The following PARD3B variants were observed in gnomAD, a reference collection of about 807,000 sequenced individuals.
PARD3B encodes the protein par-3 family cell polarity regulator beta, also known as partitioning defective 3 homolog B.
In PARD3B, 103 loss-of-function variants were observed where a neutral mutation model predicts 130.2. The observed-to-expected ratio is 0.79, with a 90% confidence interval of 0.67 to 0.93. The LOEUF is 0.93. PARD3B is among the 40% of genes least tolerant of loss of function. PARD3B has a pLI of 0.00. For missense variants in PARD3B, 1,609 were observed against 1,499.2 expected, an observed-to-expected ratio of 1.07 and a Z score of -1.21; for synonymous variants, 583 against 553.2, an observed-to-expected ratio of 1.05 and a Z score of -0.76.
chr2:205,493,072 A>G (rs1271808108), intron 20 of PARD3B, among the ~76,000 whole-genome samples: 1 of 152,134 alleles, frequency 6.6e-6, no homozygotes. Flanking sequence ...ATTCTTTTCC[A>G]GAATCTTTTC....
chr2:205,044,012 T>C (rs1042650112), intron 3 of PARD3B, among the ~76,000 whole-genome samples: 23 of 143,848 alleles, frequency 1.6e-4, no homozygotes, highest in Admixed American at 4.3e-4. Flanking sequence ...TGTGTCCATG[T>C]GTTCTCATTG....
At chr2:205,237,950 C>A (rs917097106) in intron 15 of PARD3B, among the ~76,000 whole-genome samples, 25 of 152,162 alleles carry the variant, frequency 1.6e-4, no homozygotes, top group African/African-American at 6.0e-4. Flanking sequence ...AATTCTGCCA[C>A]AAGAATTTTA....
chr2:204,787,368 G>A (rs1162611085), intron 2 of PARD3B, among the ~76,000 whole-genome samples: 1 of 152,086 alleles, frequency 6.6e-6, no homozygotes, highest in African/African-American at 2.4e-5. Context: ...CATATCATCA[G>A]GTGTGAAGGT....
chr2:204,798,200 C>T (rs993570318), intron 2 of PARD3B, among the ~76,000 whole-genome samples: 9 of 152,166 alleles, frequency 5.9e-5, no homozygotes, highest in African/African-American at 1.4e-4. Flanking sequence ...CATCCCCCAG[C>T]AGCCGCTGCT....
At chr2:205,316,490 A>T (rs1355824678) in intron 18 of PARD3B, among the ~76,000 whole-genome samples, 3 of 152,232 alleles carry the variant, frequency 2.0e-5, no homozygotes, top group Non-Finnish European at 4.4e-5. Flanking sequence ...AGATTTGCCA[A>T]TCAGCTCATT....
At position 205,470,979 on chromosome 2, in the gene PARD3B, T is replaced by A. The variant is rs1477270492; in HGVS notation, c.3045-28917T>A. Among the ~76,000 whole-genome samples, 1 of 152,198 alleles carries A rather than the reference T, an allele frequency of 6.6e-6. No individual in the cohort carries two copies. Among genetic ancestry groups the A allele is most frequent in the Non-Finnish European group, 1.5e-5 (1 of 68,030 alleles). On this transcript the variant is annotated intron_variant, in intron 20 of 22. Transcript: ENST00000406610. This position sits in a 1 kb window ranked among gnomAD's most constrained non-coding sequence, Gnocchi z 4.8. ...GCCCAGGAATGATGTGAATCAGACA[T>A]CAGAAGGGAGAATCAATTCTTGCAG...
chr2:205,448,263 T>C (rs1268729993), intron 20 of PARD3B, among the ~76,000 whole-genome samples: 1 of 152,224 alleles, frequency 6.6e-6, no homozygotes, highest in African/African-American at 2.4e-5. Context: ...CTGGGTACCA[T>C]ATTTCAGATA....
chr2:204,811,385 G>A (rs982375048), intron 2 of PARD3B, among the ~76,000 whole-genome samples: 1 of 152,076 alleles, frequency 6.6e-6, no homozygotes, highest in Admixed American at 6.6e-5. Context: ...AACTCTACTG[G>A]TTTGTGTATA....
intron 21 of PARD3B, among the ~76,000 whole-genome samples, chr2:205,504,882 A>T (rs2050291649): frequency 6.6e-6 from 1 of 152,226 alleles, no homozygotes; most frequent in South Asian, 2.1e-4. Context: ...CAGCCATCCC[A>T]TTACTGGGTA....
At chr2:205,333,695 A>G (rs754131059) in intron 18 of PARD3B, among the ~76,000 whole-genome samples, 2 of 152,108 alleles carry the variant, frequency 1.3e-5, no homozygotes, top group Non-Finnish European at 2.9e-5. Context: ...TTTTCCATGT[A>G]CCCTGAAGAC....
At chr2:204,563,255 C>G (rs1481516239) in intron 1 of PARD3B, among the ~76,000 whole-genome samples, 4 of 145,914 alleles carry the variant, frequency 2.7e-5, no homozygotes, top group Non-Finnish European at 6.1e-5. Flanking sequence ...CTCTCTCTCT[C>G]TCTCTCTCTC....
chr2:204,772,908 A>G (rs1476834414), intron 2 of PARD3B, among the ~76,000 whole-genome samples: 1 of 152,028 alleles, frequency 6.6e-6, no homozygotes, highest in African/African-American at 2.4e-5. Context: ...TAATTTTAAA[A>G]TTAATCTGTT....
At chr2:205,054,436 A>ATATATATATATATATATTTATATATATAT (rs1411271901) in intron 4 of PARD3B, among the ~76,000 whole-genome samples, 3 of 28,436 alleles carry the variant, frequency 1.1e-4, no homozygotes, top group African/African-American at 4.5e-4. Flanking sequence ...ATATATATAT[A>ATATATATATATATATATTTATATATATAT]TTTTTTTTTT....
At position 204,994,053 on chromosome 2, in the gene PARD3B, G is replaced by T. The variant is rs1575504238; in HGVS notation, c.394+28730G>T. ...CAGCTCCTGGATTCATTAATTTTTT[G>T]AAGGGTTTTTTGTGTCTCTATTTCC... On this transcript the variant is annotated intron_variant, in intron 3 of 22. Transcript: ENST00000406610. Among the ~76,000 whole-genome samples the T allele has an allele frequency of 4.7e-5, 7 of 149,708 alleles. No homozygotes were observed. The South Asian group carries it at 1.5e-3, about 32-fold the overall frequency.
chr2:204,685,299 G>A (rs565432734), intron 1 of PARD3B, among the ~76,000 whole-genome samples: 130 of 152,208 alleles, frequency 8.5e-4, no homozygotes, highest in Non-Finnish European at 1.4e-3. Flanking sequence ...AAGACTCACA[G>A]AACCAAATTG....
chr2:204,937,593 T>C (rs1465080048), intron 2 of PARD3B, among the ~76,000 whole-genome samples: 1 of 152,180 alleles, frequency 6.6e-6, no homozygotes, highest in East Asian at 1.9e-4. Context: ...TCTTGATTCT[T>C]GAAATATAAC....
chr2:205,214,114 G>A (rs2037789144), intron 15 of PARD3B, among the ~76,000 whole-genome samples: 2 of 151,908 alleles, frequency 1.3e-5, no homozygotes, highest in East Asian at 3.9e-4. Context: ...CAAGAAGTAT[G>A]TGTTTTTATT....
At chr2:205,025,962 TC>T (rs1328162308) in intron 3 of PARD3B, among the ~76,000 whole-genome samples, 2 of 152,176 alleles carry the variant, frequency 1.3e-5, no homozygotes, top group African/African-American at 4.8e-5. Flanking sequence ...CTACCTCTGT[TC>T]CTTTTTGAAC....
chr2:205,466,163 CTG>C (rs1372899887), intron 20 of PARD3B, among the ~76,000 whole-genome samples: 1 of 152,176 alleles, frequency 6.6e-6, no homozygotes, highest in African/African-American at 2.4e-5. Context: ...AGGGACCACA[CTG>C]TGCTTAGCAA....
Sources: gnomAD v4.1 joint callset for allele counts (sites outside exome capture counted in the v4.1 genomes callset) on GRCh38, gnomAD v4.1.1 for gene constraint, Gnocchi (gnomAD v3.1) non-coding constraint, MANE v1.5 for transcripts, NCBI Gene and HGNC (gene_info 2026-07-23, HGNC 2026-07-21) for gene names.